The following HDAC9 variants were observed in gnomAD, a reference collection of about 807,000 sequenced individuals.
The protein encoded by HDAC9 is histone deacetylase 9, also known as MEF-2 interacting transcription repressor (MITR) protein.
Under a neutral mutation model 139.4 loss-of-function variants are expected in HDAC9, and 41 were observed. The observed-to-expected ratio is 0.29, with a 90% confidence interval of 0.23 to 0.38. The LOEUF is 0.38. Among genes scored for constraint, HDAC9 ranks in the 10% least tolerant of loss-of-function variants. The pLI is 1.00. For missense variants in HDAC9, 1,147 were observed against 1,297.0 expected, an observed-to-expected ratio of 0.88 and a Z score of 1.78; for synonymous variants, 517 against 476.2, an observed-to-expected ratio of 1.09 and a Z score of -1.12.
At chr7:18,203,417 T>C (rs1791278198) in intron 2 of HDAC9, among the ~76,000 whole-genome samples, 1 of 152,196 alleles carries the variant, frequency 6.6e-6, no homozygotes, top group African/African-American at 2.4e-5. Context: ...ATTGAGGAAG[T>C]AGTCTTCCAG....
At chr7:18,705,602 G>A (rs982957586) in intron 12 of HDAC9, among the ~76,000 whole-genome samples, 6 of 152,052 alleles carry the variant, frequency 3.9e-5, no homozygotes, top group African/African-American at 1.4e-4. Flanking sequence ...TGTAATCCTA[G>A]CACTTTGGGA....
rs73062429 is a variant in HDAC9, at chr7:18,166,320, T to C, written c.25+3971T>C. 8.5e-3 allele frequency among the ~76,000 whole-genome samples: 1,290 copies of C among 152,318 alleles called. 8 individuals are homozygous for C. Among genetic ancestry groups the C allele is most frequent in the Non-Finnish European group, 0.015 (1,053 of 68,020 alleles). On this transcript the variant is annotated intron_variant, in intron 2 of 12. Transcript: ENST00000417496. ...CTCTTTTCACCATTGTGGGAAGTAC[T>C]CTACTCATATGAAGTGAGAGGACCA...
intron 1 of HDAC9, among the ~76,000 whole-genome samples, chr7:18,420,155 C>CT (rs1309988343): frequency 4.6e-5 from 7 of 152,160 alleles, no homozygotes; most frequent in Non-Finnish European, 7.4e-5. Flanking sequence ...CAAACATTGT[C>CT]TTCCTAAATG....
At chr7:18,464,859 T>G (rs1361022205) in intron 1 of HDAC9, among the ~76,000 whole-genome samples, 3 of 152,050 alleles carry the variant, frequency 2.0e-5, no homozygotes, top group Non-Finnish European at 4.4e-5. Flanking sequence ...ATTTAGTAGA[T>G]TGTCAAACCT....
chr7:18,196,874 C>G (rs1288326251), intron 2 of HDAC9, among the ~76,000 whole-genome samples: 3 of 152,062 alleles, frequency 2.0e-5, no homozygotes, highest in African/African-American at 7.2e-5. Context: ...TAGTTAATTT[C>G]TTGTGTCAAC....
intron 2 of HDAC9, among the ~76,000 whole-genome samples, chr7:18,191,294 TACTTA>T (rs898557325): frequency 6.6e-4 from 101 of 152,362 alleles, no homozygotes; most frequent in African/African-American, 2.4e-3. Context: ...GAAGAAAAGT[TACTTA>T]ACTTGACTAC....
At chr7:18,870,306 A>G (rs964826648) in intron 21 of HDAC9, among the ~76,000 whole-genome samples, 1 of 152,140 alleles carries the variant, frequency 6.6e-6, no homozygotes. Flanking sequence ...AATCTGTAGC[A>G]AGTCCTTAAT....
rs1319108965 is a variant in HDAC9 at position 18,251,149 on chromosome 7, A to G, written c.25+88800A>G. 2.0e-5 allele frequency among the ~76,000 whole-genome samples: 3 copies of G among 152,386 alleles called. No individual in the cohort carries two copies. In the East Asian group the frequency reaches 5.8e-4, roughly 29 times the overall value. On this transcript the variant is annotated intron_variant, in intron 2 of 12. Coordinates refer to the HDAC9 transcript ENST00000417496. ...AGATTGGATAGAGAAATTATGGTCC[A>G]TATACAGCATGGAATACCATGCATC... is the stretch of plus-strand genomic sequence containing the variant.
At chr7:18,184,193 G>A (rs1325428231) in intron 2 of HDAC9, among the ~76,000 whole-genome samples, 2 of 152,152 alleles carry the variant, frequency 1.3e-5, no homozygotes, top group Non-Finnish European at 2.9e-5. Context: ...GAGGTTGGGT[G>A]TTCGAGACCC....
intron 2 of HDAC9, among the ~76,000 whole-genome samples, chr7:18,213,339 T>C (rs1392186002): frequency 6.6e-6 from 1 of 152,170 alleles, no homozygotes; most frequent in Non-Finnish European, 1.5e-5. Flanking sequence ...AGACCAGGAT[T>C]TTTCATATTT....
intron 1 of HDAC9, among the ~76,000 whole-genome samples, chr7:18,103,522 ATTG>A (rs1782990762): frequency 6.6e-6 from 1 of 151,906 alleles, no homozygotes; most frequent in Non-Finnish European, 1.5e-5. Context: ...CCCGGTGCCT[ATTG>A]TTCATAGATG....
At chr7:18,343,919 T>C (rs1029336806) in intron 1 of HDAC9, among the ~76,000 whole-genome samples, 9 of 151,932 alleles carry the variant, frequency 5.9e-5, no homozygotes, top group Non-Finnish European at 1.2e-4. Flanking sequence ...CATAGCCTAG[T>C]CTAGTCTAGT....
chr7:18,487,573 C>A (rs1796065842), intron 1 of HDAC9, among the ~76,000 whole-genome samples: 1 of 151,872 alleles, frequency 6.6e-6, no homozygotes, highest in Admixed American at 6.6e-5. Context: ...AGTGATATGG[C>A]CAGTTGTAAA....
chr7:18,111,334 A>G (rs139565610), intron 1 of HDAC9, among the ~76,000 whole-genome samples: 1 of 152,348 alleles, frequency 6.6e-6, no homozygotes, highest in East Asian at 1.9e-4. Context: ...CATTAGTGAG[A>G]TTGCCCAGAC....
intron 1 of HDAC9, among the ~76,000 whole-genome samples, chr7:18,488,614 A>G (rs1340888742): frequency 1.3e-5 from 2 of 152,056 alleles, no homozygotes; most frequent in African/African-American, 4.8e-5. Context: ...GCATGAAGAC[A>G]TTAGCCAATG....
chr7:18,357,120 A>G (rs1585344192), intron 1 of HDAC9, among the ~76,000 whole-genome samples: 1 of 152,310 alleles, frequency 6.6e-6, no homozygotes, highest in Middle Eastern at 3.4e-3. Context: ...AGGATCTTAT[A>G]GAATCTTATA....
At chr7:18,134,341 G>T (rs1264129455) in intron 1 of HDAC9, among the ~76,000 whole-genome samples, 1 of 152,076 alleles carries the variant, frequency 6.6e-6, no homozygotes, top group African/African-American at 2.4e-5. Context: ...TTCAAGGACT[G>T]CTAGGGAAAG....
At chr7:18,780,412 G>T (rs117841006) in intron 16 of HDAC9, among the ~76,000 whole-genome samples, 5 of 152,034 alleles carry the variant, frequency 3.3e-5, no homozygotes, top group African/African-American at 1.2e-4. Flanking sequence ...TGTCTCCCTT[G>T]GGAAAATAGT....
At chr7:18,699,561 C>A (rs1427918185) in intron 12 of HDAC9, among the ~76,000 whole-genome samples, 2 of 152,130 alleles carry the variant, frequency 1.3e-5, no homozygotes, top group African/African-American at 4.8e-5. Flanking sequence ...GTATATCATA[C>A]AATTCCATCT....
Sources: gnomAD v4.1 joint callset for allele counts (sites outside exome capture counted in the v4.1 genomes callset) on GRCh38, gnomAD v4.1.1 for gene constraint, MANE v1.5 for transcripts, NCBI Gene and HGNC (gene_info 2026-07-23, HGNC 2026-07-21) for gene names.